PACRGL: variants seen among roughly 807,000 people sequenced by gnomAD.
PACRGL encodes PACRG-like protein.
PACRGL carries 38 observed loss-of-function variants against 34.5 expected under a neutral mutation model. The observed-to-expected ratio is 1.10, with a 90% CI of 0.85 to 1.44. The LOEUF is 1.44. PACRGL is among the 40% of genes most tolerant of loss of function. The pLI, the probability that PACRGL is intolerant of heterozygous loss-of-function variation, is 0.00. For synonymous variants in PACRGL, 128 were observed against 100.1 expected (o/e 1.28, Z -1.66); for missense variants, 305 against 281.4 (o/e 1.08, Z -0.60).
At chr4:20,714,550 A>C (rs569756617) in intron 7 of PACRGL, among the ~76,000 whole-genome samples, 6 of 152,168 alleles carry the variant, frequency 3.9e-5, no homozygotes, top group Non-Finnish European at 8.8e-5. Context: ...TTATGATATT[A>C]GCTGGTTATT....
chr4:20,712,915 C>A lies in PACRGL; in HGVS notation c.494C>A (p.Ala165Glu). 6.4e-7 allele frequency: 1 copy of A among 1,570,034 alleles called. No homozygotes were observed. The highest frequency in any genetic ancestry group is 8.7e-7 in the Non-Finnish European group (1 of 1,155,182). The change falls in exon 6 of 9, where the codon GCA (alanine) becomes GAA (glutamate). Residue 165 changes from alanine (A) to glutamate (E), a missense_variant. Physicochemically the swap from Ala to Glu is moderately radical, Grantham distance 107. Transcript: ENST00000503585. ...CCTAGACTGATTCCTGTGCTAAAGG[C>A]AGCTCTGGTATGTCATTTATTTCAT... Reference protein sequence around the residue: ...LLPRLIPVLKAALVHSDDEVF... With the variant: ...LLPRLIPVLKEALVHSDDEVF...
At position 20,745,692 on chromosome 4, in the gene PACRGL, A is replaced by T. The variant is rs117841768; in HGVS notation, c.*57-6873A>T. Among the ~76,000 whole-genome samples the T allele has an allele frequency of 2.3e-3, 354 of 152,284 alleles. 8 individuals carry two copies. The South Asian group carries it at 0.046, about 20-fold the overall frequency. ...TCAAGGCAAAAGGAGAAAGACATAG[A>T]GATTTGACTTTATAATAGCCTAGAC... is the stretch of plus-strand genomic sequence containing the variant. On this transcript the variant is annotated intron_variant, in intron 8 of 8. Transcript: ENST00000507634.
intron 1 of PACRGL, among the ~76,000 whole-genome samples, chr4:20,703,142 G>T (rs929417610): frequency 6.6e-6 from 1 of 152,092 alleles, no homozygotes; most frequent in Non-Finnish European, 1.5e-5. Flanking sequence ...TCCTGAAGAA[G>T]AAAAAATGAA....
At chr4:20,733,456 C>G (rs75546969), downstream of PACRGL, among the ~76,000 whole-genome samples, 2 of 152,240 alleles carry the variant, frequency 1.3e-5, no homozygotes, top group Admixed American at 1.3e-4. Flanking sequence ...ACATTTGTTT[C>G]ACGTGAAAGA....
chr4:20,728,891 T>C lies in PACRGL; in HGVS notation c.*1550T>C, dbSNP rs963834312. 4.6e-5 allele frequency: 7 copies of C among 151,670 alleles called. No individual in the cohort carries two copies. The highest frequency in any genetic ancestry group is 1.7e-4 in the African/African-American group (7 of 41,006). 9.4% of individuals were successfully genotyped at this position (151,670 alleles called of 1,614,324 possible). A position where few individuals can be genotyped will look rare whatever the true frequency, so the allele number is the denominator to read the frequency against. On this transcript the variant is annotated 3_prime_UTR_variant, in exon 9 of 9. Coordinates refer to ENST00000503585, the MANE Select transcript of PACRGL (RefSeq NM_001258345.3). ...GGGACGATGTGTGTGGCTTTAGTAA[T>C]GTGGCAACTTTACAGTTTTGGCTAA...
chr4:20,738,415 C>A (rs1322088646), intron 8 of PACRGL, among the ~76,000 whole-genome samples: 1 of 152,036 alleles, frequency 6.6e-6, no homozygotes, highest in Non-Finnish European at 1.5e-5. Flanking sequence ...ATTTATGGGA[C>A]CTACTCCAAG....
chr4:20,744,204 C>G (rs1196640303), intron 8 of PACRGL, among the ~76,000 whole-genome samples: 1 of 151,202 alleles, frequency 6.6e-6, no homozygotes, highest in Non-Finnish European at 1.5e-5. Context: ...AGACTGGTGA[C>G]TCCTCAAGGA....
chr4:20,706,403 A>G (rs1326137720), intron 3 of PACRGL, among the ~76,000 whole-genome samples: 1 of 152,128 alleles, frequency 6.6e-6, no homozygotes, highest in African/African-American at 2.4e-5. Flanking sequence ...ATTTGTCTTA[A>G]TTTTTTCTCC....
intron 5 of PACRGL, among the ~76,000 whole-genome samples, chr4:20,710,006 T>C (rs1007418397): frequency 6.6e-6 from 1 of 152,182 alleles, no homozygotes; most frequent in Non-Finnish European, 1.5e-5. Flanking sequence ...GATTTGTAGA[T>C]AACTAGATGA....
chr4:20,709,384 A>G (rs1038696656), intron 4 of PACRGL, among the ~76,000 whole-genome samples: 5 of 152,180 alleles, frequency 3.3e-5, no homozygotes, highest in African/African-American at 4.8e-5. Flanking sequence ...TAGATTACCT[A>G]TTGTGTCATA....
At chr4:20,747,474 A>C (rs1176395054) in intron 8 of PACRGL, among the ~76,000 whole-genome samples, 3 of 152,200 alleles carry the variant, frequency 2.0e-5, no homozygotes, top group Non-Finnish European at 4.4e-5. Context: ...CAAAGTTACT[A>C]TCATGGAGTG....
chr4:20,699,398 A>G (rs1731474356), upstream of PACRGL, among the ~76,000 whole-genome samples: 1 of 152,268 alleles, frequency 6.6e-6, no homozygotes, highest in Non-Finnish European at 1.5e-5. Flanking sequence ...ACAGAACATT[A>G]GAGAAATTAG....
At chr4:20,766,497 T>C in the PACRGL span, among the ~76,000 whole-genome samples, 1 of 152,078 alleles carries the variant, frequency 6.6e-6, no homozygotes, top group Non-Finnish European at 1.5e-5. Flanking sequence ...ATCTGGGAGA[T>C]GGAGGTTGCA....
downstream of PACRGL, chr4:20,734,478 A>T (rs1162276684): frequency 2.2e-6 from 1 of 444,754 alleles, no homozygotes; most frequent in Non-Finnish European, 4.0e-6. Context: ...TTCTATCCCA[A>T]GTTTTTAATT....
chr4:20,711,815 C>T (rs10018931), intron 5 of PACRGL, among the ~76,000 whole-genome samples: 49,705 of 151,944 alleles, frequency 0.33, 8,582 homozygotes, highest in African/African-American at 0.43. Flanking sequence ...ATATGATCTA[C>T]AGTTTTTTAA....
At chr4:20,725,953 A>AT (rs1745448129) in intron 8 of PACRGL, among the ~76,000 whole-genome samples, 1 of 152,094 alleles carries the variant, frequency 6.6e-6, no homozygotes, top group Non-Finnish European at 1.5e-5. Context: ...CAGCAAGGAA[A>AT]TTCTTGCTTG....
intron 8 of PACRGL, among the ~76,000 whole-genome samples, chr4:20,742,090 C>T (rs1751255863): frequency 6.6e-6 from 1 of 151,638 alleles, no homozygotes; most frequent in African/African-American, 2.4e-5. Context: ...GCCTGCCAAC[C>T]AAAAAAAAGT....
chr4:20,723,530 T>C (rs1024677070), intron 7 of PACRGL, among the ~76,000 whole-genome samples: 1 of 152,056 alleles, frequency 6.6e-6, no homozygotes, highest in African/African-American at 2.4e-5. Flanking sequence ...ATGTGATATG[T>C]AGAGAAAAGG....
chr4:20,737,255 A>C (rs1480821813), downstream of PACRGL, among the ~76,000 whole-genome samples: 1 of 151,714 alleles, frequency 6.6e-6, no homozygotes, highest in Non-Finnish European at 1.5e-5. Context: ...GAAGTGAGTC[A>C]GGAGAACAGA....
Sources: allele counts gnomAD v4.1 joint callset (sites outside exome capture counted in the v4.1 genomes callset), GRCh38; gene constraint gnomAD v4.1.1; transcripts MANE v1.5; gene names NCBI Gene and HGNC (gene_info 2026-07-23, HGNC 2026-07-21).